Variants in SRGAP2B observed in about 807,000 individuals in gnomAD.
SRGAP2B encodes the protein SLIT-ROBO Rho GTPase-activating protein 2B.
In SRGAP2B, 9 loss-of-function variants were observed where a neutral mutation model predicts 22.2. That is an observed-to-expected ratio of 0.41 (90% CI 0.24 to 0.71). The LOEUF is 0.71. SRGAP2B is among the 30% of genes least tolerant of loss of function. The probability of loss-of-function intolerance (pLI) is 0.35; values close to 1 mark genes in which losing one functional copy is unlikely to be tolerated. For missense variants in SRGAP2B, 114 were observed against 235.8 expected (o/e 0.48, Z 3.38); for synonymous variants, 36 against 87.4 (o/e 0.41, Z 3.28).
chr1:144,984,365 CAA>C (rs57268593), intron 3 of SRGAP2B, among the ~76,000 whole-genome samples: 18 of 126,434 alleles, frequency 1.4e-4, no homozygotes, highest in African/African-American at 4.3e-4. Context: ...ACAACAACAA[CAA>C]AAAAAAAAAA....
rs587657311 is a variant in SRGAP2B at position 145,079,955 on chromosome 1, T to C, written c.67+12880A>G. ...AACCACACTGCCTCCCCCAGGTTTG[T>C]CCCAGACCAGATGTCAGAGATTACG... On this transcript the variant is annotated intron_variant, in intron 2 of 9. Coordinates refer to ENST00000612199, the Ensembl canonical transcript of SRGAP2B. Among the ~76,000 whole-genome samples the C allele has an allele frequency of 6.3e-4, 94 of 149,932 alleles. 3 individuals are homozygous for C. The East Asian group carries it at 0.017, about 28-fold the overall frequency.
intron 2 of SRGAP2B, among the ~76,000 whole-genome samples, chr1:145,081,077 T>C (rs1265292001): frequency 4.0e-5 from 6 of 149,322 alleles, no homozygotes; most frequent in Non-Finnish European, 5.9e-5. Flanking sequence ...CAGCATCTCA[T>C]AGTTTCAACT....
chr1:145,057,015 AAAT>A (rs1175327978), intron 2 of SRGAP2B, among the ~76,000 whole-genome samples: 6 of 148,150 alleles, frequency 4.0e-5, no homozygotes, highest in Admixed American at 2.0e-4. Flanking sequence ...CAGCATTAAA[AAAT>A]AATAATAATA....
intron 2 of SRGAP2B, among the ~76,000 whole-genome samples, chr1:145,064,257 G>C (rs1651247645): frequency 6.8e-6 from 1 of 146,700 alleles, no homozygotes; most frequent in Non-Finnish European, 1.5e-5. Flanking sequence ...ACCCAGCTTT[G>C]CTGGTAGACA....
Position 144,964,939 on chromosome 1 carries a change from G to C in SRGAP2B, c.261-9338C>G. 4 of 868,590 alleles carry C rather than the reference G, an allele frequency of 4.6e-6. No individual in the cohort carries two copies. The South Asian group carries it at 5.4e-5, about 12-fold the overall frequency. 53.8% of individuals were successfully genotyped at this position (868,590 alleles called of 1,614,324 possible). A position where few individuals can be genotyped will look rare whatever the true frequency, so the allele number is the denominator to read the frequency against. ...TCTTAAAAAATAAATAAATAGAGAC[G>C]GAGGTAGAGGGAGGACACAGAGCCG... On this transcript the variant is annotated intron_variant, in intron 3 of 9. Transcript: ENST00000612199.
intron 2 of SRGAP2B, among the ~76,000 whole-genome samples, chr1:145,067,201 A>T (rs1277124673): frequency 4.1e-5 from 6 of 147,218 alleles, no homozygotes; most frequent in Non-Finnish European, 3.0e-5. Context: ...AGGCACAAAA[A>T]TCATTTGAAC....
chr1:145,084,333 G>A (rs1653187703), intron 2 of SRGAP2B, among the ~76,000 whole-genome samples: 1 of 144,948 alleles, frequency 6.9e-6, no homozygotes. Flanking sequence ...CCAGCAGAAG[G>A]ATGAGATTTC....
At chr1:144,996,140 C>T (rs1670659648) in intron 2 of SRGAP2B, among the ~76,000 whole-genome samples, 1 of 151,286 alleles carries the variant, frequency 6.6e-6, no homozygotes. Flanking sequence ...GCCTCAAATG[C>T]AGCACTGCAT....
At chr1:144,929,608 G>A (rs1383401581) in intron 4 of SRGAP2B, among the ~76,000 whole-genome samples, 2 of 150,804 alleles carry the variant, frequency 1.3e-5, no homozygotes, top group Admixed American at 1.3e-4. Context: ...CTTAGCTTTT[G>A]GTCACAGTTC....
intron 4 of SRGAP2B, among the ~76,000 whole-genome samples, chr1:144,932,188 AG>A (rs1276963825): frequency 6.7e-6 from 1 of 148,844 alleles, no homozygotes; most frequent in Non-Finnish European, 1.5e-5. Context: ...TTTCCATGCC[AG>A]GCTGTCCTCT....
At chr1:144,964,395 A>T (rs1288958911) in intron 3 of SRGAP2B, among the ~76,000 whole-genome samples, 1 of 148,634 alleles carries the variant, frequency 6.7e-6, no homozygotes, top group African/African-American at 2.6e-5. Context: ...CAGCTGCTCC[A>T]GTGTGTATCT....
chr1:145,089,964 T>A lies in SRGAP2B; in HGVS notation c.67+2871A>T, dbSNP rs587618262. On this transcript the variant is annotated intron_variant, in intron 2 of 9. Coordinates refer to ENST00000612199, the Ensembl canonical transcript of SRGAP2B. Reference sequence around the variant, plus strand: ...AGGAAACTGAGGCTCAGACAAGTCATGTAACTTGCCTGAAGTGAAAGGCTA... The same window carrying A: ...AGGAAACTGAGGCTCAGACAAGTCAAGTAACTTGCCTGAAGTGAAAGGCTA... Among the ~76,000 whole-genome samples, 45 of 146,042 alleles carry A rather than the reference T, an allele frequency of 3.1e-4. 2 individuals carry two copies. The highest frequency in any genetic ancestry group is 5.9e-4 in the Non-Finnish European group (40 of 67,754).
At chr1:145,068,915 G>A (rs797028465) in intron 2 of SRGAP2B, among the ~76,000 whole-genome samples, 4,291 of 105,184 alleles carry the variant, frequency 0.041, 78 homozygotes, top group African/African-American at 0.09. Context: ...GTGTGTGTGT[G>A]TGTGTGTGTG....
At chr1:144,966,072 A>C (rs1462764475) in intron 3 of SRGAP2B, among the ~76,000 whole-genome samples, 4 of 149,726 alleles carry the variant, frequency 2.7e-5, no homozygotes, top group African/African-American at 1.0e-4. Flanking sequence ...ACTCTGCAGG[A>C]TATTATCCAG....
chr1:145,009,050 G>A (rs1196010605), intron 2 of SRGAP2B, among the ~76,000 whole-genome samples: 3 of 146,704 alleles, frequency 2.0e-5, no homozygotes, highest in Non-Finnish European at 3.0e-5. Flanking sequence ...GGTGGCGGGC[G>A]CCTGTAGTCC....
At chr1:144,933,320 A>G (rs1665350446) in intron 4 of SRGAP2B, among the ~76,000 whole-genome samples, 1 of 150,252 alleles carries the variant, frequency 6.7e-6, no homozygotes, top group Non-Finnish European at 1.5e-5. Flanking sequence ...TAATCAGCTC[A>G]CATCAGCAGC....
chr1:144,984,189 G>T (rs1251043234), intron 3 of SRGAP2B, among the ~76,000 whole-genome samples: 2 of 150,162 alleles, frequency 1.3e-5, no homozygotes, highest in Admixed American at 1.3e-4. Flanking sequence ...GCGTCGTGGC[G>T]CATGCCTGTA....
At position 145,038,867 on chromosome 1, in the gene SRGAP2B, G is replaced by A. The variant is rs1648948439; in HGVS notation, c.68-43667C>T. Among the ~76,000 whole-genome samples, 3 of 101,462 alleles carry A rather than the reference G, an allele frequency of 3.0e-5. No individual in the cohort carries two copies. In the Admixed American group the frequency reaches 3.1e-4, roughly 11 times the overall value. 66.6% of individuals were successfully genotyped at this position (101,462 alleles called of 152,430 possible). On this transcript the variant is annotated intron_variant, in intron 2 of 9. Coordinates refer to ENST00000612199, the Ensembl canonical transcript of SRGAP2B. The stretch of plus-strand genomic sequence containing the variant: ...TTTTCATAATGAACTTCTGTAAAGG[G>A]GAGATTTGCATCCAGTTTTAAGACC...
chr1:144,972,952 C>CA (rs1178737642), intron 3 of SRGAP2B, among the ~76,000 whole-genome samples: 2 of 136,972 alleles, frequency 1.5e-5, no homozygotes, highest in Non-Finnish European at 3.1e-5. Flanking sequence ...ACCAAAAATA[C>CA]AAAAAACTAG....
Sources: gnomAD v4.1 joint callset for allele counts (sites outside exome capture counted in the v4.1 genomes callset) on GRCh38, gnomAD v4.1.1 for gene constraint, MANE v1.5 for transcripts, NCBI Gene and HGNC (gene_info 2026-07-23, HGNC 2026-07-21) for gene names.